The following SLC5A1 variants were observed in gnomAD, a reference collection of about 807,000 sequenced individuals.
SLC5A1 encodes the protein sodium/glucose cotransporter 1.
A neutral mutation model predicts 73.5 loss-of-function variants in SLC5A1; 42 were observed. That is an observed-to-expected ratio of 0.57 (90% CI 0.45 to 0.74). The LOEUF (loss-of-function observed/expected upper bound fraction) is 0.74, where lower values mean the gene tolerates loss of function less well. Ranked by LOEUF, SLC5A1 falls within the 30% of genes least tolerant of loss-of-function variation. The pLI, the probability that SLC5A1 is intolerant of heterozygous loss-of-function variation, is 0.00. For missense variants in SLC5A1, 634 were observed against 855.4 expected, an observed-to-expected ratio of 0.74 and a Z score of 3.23; for synonymous variants, 300 against 317.4, an observed-to-expected ratio of 0.95 and a Z score of 0.58.
At chr22:32,049,824 A>G (rs1175208831) in intron 1 of SLC5A1, 119 bp from the exon 2 acceptor site, 2 of 828,626 alleles carry the variant, frequency 2.4e-6, no homozygotes, top group South Asian at 2.7e-5. Context: ...AAGGAATGTG[A>G]AAGTGTTTCA....
intron 1 of SLC5A1, among the ~76,000 whole-genome samples, chr22:32,048,854 T>A (rs565325625): frequency 6.6e-6 from 1 of 152,038 alleles, no homozygotes; most frequent in East Asian, 1.9e-4. Flanking sequence ...GCAGATCACT[T>A]GAGGTCAGGA....
At chr22:32,096,818 G>A (rs752385790) in intron 11 of SLC5A1, among the ~76,000 whole-genome samples, 3 of 152,200 alleles carry the variant, frequency 2.0e-5, no homozygotes, top group Non-Finnish European at 4.4e-5. Context: ...AAGTTTCCCA[G>A]TGAGTGCAGG....
At chr22:32,090,106 A>C (rs1193809118) in intron 10 of SLC5A1, among the ~76,000 whole-genome samples, 3 of 151,936 alleles carry the variant, frequency 2.0e-5, no homozygotes, top group African/African-American at 7.2e-5. Context: ...CTTTCAAAAA[A>C]AAAAAAAAAA....
chr22:32,105,022 G>C, intron 14 of SLC5A1, 131 bp downstream of exon 14: 1 of 732,698 alleles, frequency 1.4e-6, no homozygotes, highest in Non-Finnish European at 2.4e-6. Context: ...TGAGGAGTAG[G>C]GTGGGGATGA....
chr22:32,045,719 T>C (rs1422853271), intron 1 of SLC5A1, among the ~76,000 whole-genome samples: 1 of 152,266 alleles, frequency 6.6e-6, no homozygotes, highest in Non-Finnish European at 1.5e-5. Context: ...TCAGAGTTAA[T>C]TTCCATTTTT....
chr22:32,047,081 TCA>T (rs1444415484), intron 1 of SLC5A1, among the ~76,000 whole-genome samples: 3 of 152,318 alleles, frequency 2.0e-5, no homozygotes, highest in African/African-American at 7.2e-5. Context: ...ATCTGGGTGT[TCA>T]CAGACTTTCA....
At chr22:32,078,317 G>A (rs912616748) in intron 5 of SLC5A1, among the ~76,000 whole-genome samples, 8 of 152,064 alleles carry the variant, frequency 5.3e-5, no homozygotes, top group Non-Finnish European at 7.4e-5. Flanking sequence ...ACCCAGGCTG[G>A]AGTACAGTGG....
intron 5 of SLC5A1, among the ~76,000 whole-genome samples, chr22:32,077,346 TTTC>T (rs1414551006): frequency 6.7e-6 from 1 of 149,304 alleles, no homozygotes; most frequent in Non-Finnish European, 1.5e-5. Context: ...CTTTTTTCAC[TTTC>T]TTCCTTTCCC....
chr22:32,068,392 A>G (rs1036091395), intron 4 of SLC5A1, 104 bp from the exon 5 acceptor site: 4 of 838,156 alleles, frequency 4.8e-6, no homozygotes, highest in Middle Eastern at 2.8e-4. Flanking sequence ...TGAATCCTTG[A>G]CCACACTTCT....
chr22:32,092,473 G>A (rs947591484), intron 11 of SLC5A1, among the ~76,000 whole-genome samples: 3 of 152,134 alleles, frequency 2.0e-5, no homozygotes, highest in Non-Finnish European at 4.4e-5. Context: ...CCCAGTAGTG[G>A]GATTGCTGGA....
intron 12 of SLC5A1, among the ~76,000 whole-genome samples, chr22:32,100,574 C>T (rs764619928): frequency 1.1e-4 from 16 of 151,976 alleles, no homozygotes; most frequent in Non-Finnish European, 1.9e-4. Flanking sequence ...AAAATTATTT[C>T]GTGGCAAATT....
intron 11 of SLC5A1, 113 bp downstream of exon 11, chr22:32,091,875 T>C: frequency 9.8e-7 from 1 of 1,015,374 alleles, no homozygotes; most frequent in Non-Finnish European, 1.5e-6. Flanking sequence ...TGGGAATAAT[T>C]TCTGTGGCTG....
intron 1 of SLC5A1, among the ~76,000 whole-genome samples, chr22:32,047,778 G>A (rs148997488): frequency 1.3e-5 from 2 of 152,304 alleles, no homozygotes; most frequent in African/African-American, 2.4e-5. Context: ...AAGTGTCTAA[G>A]TGCCTGAGAT....
At chr22:32,103,503 C>A (rs1247591713) in intron 13 of SLC5A1, among the ~76,000 whole-genome samples, 1 of 152,210 alleles carries the variant, frequency 6.6e-6, no homozygotes, top group Non-Finnish European at 1.5e-5. Flanking sequence ...ACCCTTTATT[C>A]CAGGGCTTAT....
chr22:32,050,116 A>C (rs2093943348), intron 2 of SLC5A1, 102 bp downstream of exon 2: 11 of 1,035,724 alleles, frequency 1.1e-5, no homozygotes, highest in African/African-American at 1.6e-5. Context: ...TCTAGGATTC[A>C]AGGATCCCAA....
At chr22:32,055,985 A>G (rs1243554848) in intron 2 of SLC5A1, among the ~76,000 whole-genome samples, 1 of 151,938 alleles carries the variant, frequency 6.6e-6, no homozygotes, top group East Asian at 1.9e-4. Flanking sequence ...TGAATCACAA[A>G]CGCTAGCAAA....
chr22:32,054,651 G>A (rs1353971255), intron 2 of SLC5A1, among the ~76,000 whole-genome samples: 1 of 152,042 alleles, frequency 6.6e-6, no homozygotes, highest in South Asian at 2.1e-4. Flanking sequence ...GGGCCAGTGT[G>A]GGGTACAGAT....
At chr22:32,090,398 T>C (rs1408129663) in intron 10 of SLC5A1, among the ~76,000 whole-genome samples, 1 of 152,204 alleles carries the variant, frequency 6.6e-6, no homozygotes, top group Non-Finnish European at 1.5e-5. Context: ...TAGAATCATA[T>C]AATACGTGTT....
chr22:32,044,460 A>G (rs1371836551), intron 1 of SLC5A1, among the ~76,000 whole-genome samples: 1 of 151,852 alleles, frequency 6.6e-6, no homozygotes, highest in East Asian at 1.9e-4. Context: ...GAGGAGAGGA[A>G]GGTAGGCATG....
Sources: gnomAD v4.1 joint callset for allele counts (sites outside exome capture counted in the v4.1 genomes callset) on GRCh38, gnomAD v4.1.1 for gene constraint, MANE v1.5 for transcripts, NCBI Gene and HGNC (gene_info 2026-07-23, HGNC 2026-07-21) for gene names.